Variants in VWA5B2 observed in about 807,000 individuals in gnomAD.
The protein encoded by VWA5B2 is von Willebrand factor A domain containing 5B2, also known as von Willebrand factor A domain-containing protein 5B2.
VWA5B2 carries 93 observed loss-of-function variants against 118.5 expected under a neutral mutation model. That is an observed-to-expected ratio of 0.79 (90% CI 0.66 to 0.93). VWA5B2 has a LOEUF of 0.93. Ranked by LOEUF, VWA5B2 falls within the 40% of genes least tolerant of loss-of-function variation. The probability of loss-of-function intolerance (pLI) is 0.00; values close to 1 mark genes in which losing one functional copy is unlikely to be tolerated. For missense variants in VWA5B2, 1,546 were observed against 1,672.8 expected (o/e 0.92, Z 1.32); for synonymous variants, 708 against 716.3 (o/e 0.99, Z 0.19).
At position 184,242,103 on chromosome 3, in the gene VWA5B2, C is replaced by T; in HGVS notation, c.*65C>T. 1 of 1,523,416 alleles carries T rather than the reference C, an allele frequency of 6.6e-7. No individual in the cohort carries two copies. The highest frequency in any genetic ancestry group is 8.8e-7 in the Non-Finnish European group (1 of 1,136,390). 94.4% of individuals were successfully genotyped at this position (1,523,416 alleles called of 1,614,324 possible). On this transcript the variant is annotated 3_prime_UTR_variant, in exon 20 of 20. Coordinates refer to ENST00000691901, the MANE Select transcript of VWA5B2 (RefSeq NM_001390846.1). Reference sequence around the variant, plus strand: ...ACACTCAAGTCACTGCCGCCCAGGGCTGGCCTCTTGGTGCTGGGAAAGTGT... The same window carrying T: ...ACACTCAAGTCACTGCCGCCCAGGGTTGGCCTCTTGGTGCTGGGAAAGTGT...
rs764700831 is a variant in VWA5B2 at position 184,233,750 on chromosome 3, G to T, written c.688+17G>T. On this transcript the variant is annotated intron_variant, in intron 5 of 19. Coordinates refer to ENST00000691901, the MANE Select transcript of VWA5B2 (RefSeq NM_001390846.1). The surrounding 1 kb of genome is among the most constrained non-coding windows in gnomAD (Gnocchi z 5.2). ...TGCTTGCAGGTGGGTGCATCTGGCT[G>T]GCCTGCCCTCTTTTCAGATGCCCAC... is the stretch of plus-strand genomic sequence containing the variant. The T allele has an allele frequency of 3.2e-6, 5 of 1,549,016 alleles. No homozygotes were observed. In the South Asian group the frequency reaches 6.0e-5, roughly 18 times the overall value.
intron 1 of VWA5B2, 25 bp from the exon 2 acceptor site, chr3:184,230,355 C>A: frequency 4.0e-6 from 3 of 746,284 alleles, no homozygotes; most frequent in East Asian, 3.5e-5. Context: ...GCCCCCTTAT[C>A]TCCCCCGCCA....
intron 3 of VWA5B2, 191 bp from the exon 4 acceptor site, chr3:184,232,987 C>T (rs1391578646): frequency 1.7e-6 from 1 of 600,636 alleles, no homozygotes; most frequent in South Asian, 2.0e-5. Flanking sequence ...CAGATCTGTT[C>T]ACAGTTAGTC....
chr3:184,235,236 C>T lies in VWA5B2; in HGVS notation c.1029C>T (p.Ser343=), dbSNP rs1375435878. ...LALSFCPDLS[S]KPGHLGTATR... is the part of the protein sequence containing the mutation. ...TGAGCTTCTGCCCAGACCTGAGCTC[C>T]AAGCCCGGACACCTGGGGACAGCTA... The change falls in exon 8 of 20, where the codon TCC becomes TCT. Residue 343 remains serine, a synonymous_variant. Transcript: ENST00000691901. The T allele has an allele frequency of 1.3e-6, 2 of 1,551,536 alleles. No homozygotes were observed. The highest frequency in any genetic ancestry group is 2.4e-5 in the East Asian group (1 of 40,928).
At position 184,238,691 on chromosome 3, in the gene VWA5B2, C is replaced by G; in HGVS notation, c.2020C>G (p.Pro674Ala). 6.4e-7 allele frequency: 1 copy of G among 1,551,402 alleles called. No individual in the cohort carries two copies. Among genetic ancestry groups the G allele is most frequent in the Admixed American group, 2.0e-5 (1 of 51,008 alleles). ...QYVLTHCSAS[P>A]EPGPGSTGSS... ...TGTGCTCACCCACTGCTCTGCCAGC[C>G]CCGAGCCAGGCCCAGGCTCCACAGG... Residue 674 changes from proline (P) to alanine (A), a missense_variant, in exon 14 of 20, where the codon CCC (proline) becomes GCC (alanine). Physicochemically the swap from Pro to Ala is conservative, Grantham distance 27 (BLOSUM62 -1). Coordinates refer to ENST00000691901, the MANE Select transcript of VWA5B2 (RefSeq NM_001390846.1). This position sits in a 1 kb window ranked among gnomAD's most constrained non-coding sequence, Gnocchi z 5.0.
chr3:184,241,908 C>T lies in VWA5B2; in HGVS notation c.3599C>T (p.Ala1200Val). The change falls in exon 20 of 20, where the codon GCC (alanine) becomes GTC (valine). Residue 1200 changes from alanine to valine, a missense_variant. Physicochemically the swap from Ala to Val is moderately conservative, Grantham distance 64. This residue lies in a region of VWA5B2 where 763 missense variants were observed against 766.6 expected (regional missense o/e 1.00). Coordinates refer to ENST00000691901, the MANE Select transcript of VWA5B2 (RefSeq NM_001390846.1). The surrounding 1 kb of genome is among the most constrained non-coding windows in gnomAD (Gnocchi z 5.1). ...TAAKADCWLR[A>V]QHLPDGLDLA... Reference sequence around the variant, plus strand: ...GCCAAGGCTGATTGCTGGCTGCGGGCCCAGCACTTGCCTGACGGCCTTGAC... The same window carrying T: ...GCCAAGGCTGATTGCTGGCTGCGGGTCCAGCACTTGCCTGACGGCCTTGAC... The T allele has an allele frequency of 6.5e-7, 1 of 1,548,270 alleles. No individual in the cohort carries two copies. The highest frequency in any genetic ancestry group is 1.2e-5 in the South Asian group (1 of 84,048).
At chr3:184,236,292 T>C in intron 9 of VWA5B2, 30 bp downstream of exon 9, 1 of 1,551,572 alleles carries the variant, frequency 6.4e-7, no homozygotes, top group Non-Finnish European at 8.7e-7. Context: ...CTGGGGGCCT[T>C]ACAGAGAGGT....
In VWA5B2 at chr3:184,239,879, G is replaced by A. The variant is rs1168270773; in HGVS notation, c.2583G>A (p.Glu861=). The change falls in exon 16 of 20, where the codon GAG becomes GAA. Residue 861 remains glutamate, a synonymous_variant. Coordinates refer to ENST00000691901, the MANE Select transcript of VWA5B2 (RefSeq NM_001390846.1). This position sits in a 1 kb window ranked among gnomAD's most constrained non-coding sequence, Gnocchi z 5.1. ...PMCWEVGVGL[E]TLWGPGDGSQ... ...GCTGGGAGGTGGGTGTTGGGCTGGA[G>A]ACACTGTGGGGACCTGGAGATGGCT... 1.0e-5 allele frequency: 16 copies of A among 1,551,556 alleles called. No individual in the cohort carries two copies. The highest frequency in any genetic ancestry group is 2.7e-5 in the African/African-American group (2 of 73,030).
At chr3:184,240,058 T>A in intron 16 of VWA5B2, 22 bp downstream of exon 16, 1 of 1,495,766 alleles carries the variant, frequency 6.7e-7, no homozygotes, top group Non-Finnish European at 8.9e-7. Context: ...ATGGGTCCAG[T>A]CAGGACCCAA....
chr3:184,233,266 C>A lies in VWA5B2; in HGVS notation c.399C>A (p.Thr133=). The change falls in exon 4 of 20, where the codon ACC becomes ACA. Residue 133 remains threonine (T), a synonymous_variant. Coordinates refer to ENST00000691901, the MANE Select transcript of VWA5B2 (RefSeq NM_001390846.1). This position sits in a 1 kb window ranked among gnomAD's most constrained non-coding sequence, Gnocchi z 5.2. ...IIAAAGTMTV[T]LHSSRELPSR... is the part of the protein sequence containing the mutation. ...CCGCGGCTGGCACCATGACGGTGAC[C>A]CTGCACAGCAGCCGGGAGCTGCCCT... is the stretch of plus-strand genomic sequence containing the variant. 1 of 1,548,020 alleles carries A rather than the reference C, an allele frequency of 6.5e-7. No individual in the cohort carries two copies. The highest frequency in any genetic ancestry group is 1.2e-5 in the South Asian group (1 of 83,492).
chr3:184,234,761 G>A lies in VWA5B2; in HGVS notation c.945+6G>A, dbSNP rs199961580. 1.9e-3 allele frequency: 2,923 copies of A among 1,551,120 alleles called. 2 individuals carry two copies. The highest frequency in any genetic ancestry group is 2.4e-3 in the Non-Finnish European group (2,708 of 1,146,954). Reference sequence around the variant, plus strand: ...ACAGTGATGGGGACCGGCAGGTACCGCCATAGGAGCCTGGCCTGGCCCCTG... The same window carrying A: ...ACAGTGATGGGGACCGGCAGGTACCACCATAGGAGCCTGGCCTGGCCCCTG... On this transcript the variant is annotated splice_donor_region_variant and intron_variant, in intron 7 of 19. Coordinates refer to ENST00000691901, the MANE Select transcript of VWA5B2 (RefSeq NM_001390846.1).
At chr3:184,236,047 C>A in intron 8 of VWA5B2, 105 bp from the exon 9 acceptor site, 1 of 1,066,150 alleles carries the variant, frequency 9.4e-7, no homozygotes, top group Non-Finnish European at 1.4e-6. Flanking sequence ...TTACCACAGC[C>A]TCTCACTTGA....
Position 184,241,620 on chromosome 3 carries a change from C to T in VWA5B2, c.3311C>T (p.Ser1104Leu), listed in dbSNP as rs762920252. The T allele has an allele frequency of 1.9e-6, 3 of 1,542,330 alleles. No individual in the cohort carries two copies. Among genetic ancestry groups the T allele is most frequent in the South Asian group, 2.4e-5 (2 of 84,030 alleles). ...CACCGCGCCAGCCTCAGCCCCACCT[C>T]GGCCTCATTGCCCTGGGCACTTCTG... The part of the protein sequence containing the change: ...AVHRASLSPT[S>L]ASLPWALLGP... Residue 1104 changes from serine (S) to leucine (L), a missense_variant, in exon 20 of 20, where the codon TCG becomes TTG. By Grantham distance (145) the Ser-to-Leu change is moderately radical. This residue lies in a region of VWA5B2 where 763 missense variants were observed against 766.6 expected (regional missense o/e 1.00). Coordinates refer to ENST00000691901, the MANE Select transcript of VWA5B2 (RefSeq NM_001390846.1). The surrounding 1 kb of genome is among the most constrained non-coding windows in gnomAD (Gnocchi z 5.1).
In VWA5B2 at chr3:184,233,320, C is replaced by T. The variant is rs1717587713; in HGVS notation, c.453C>T (p.Ala151=). 6.5e-7 allele frequency: 1 copy of T among 1,537,548 alleles called. No individual in the cohort carries two copies. The highest frequency in any genetic ancestry group is 1.4e-5 in the African/African-American group (1 of 72,888). The change falls in exon 4 of 20, where the codon GCC becomes GCT. Residue 151 remains alanine, a synonymous_variant. Transcript: ENST00000691901. This position sits in a 1 kb window ranked among gnomAD's most constrained non-coding sequence, Gnocchi z 5.2. ...GGCCTGACGGGGTGCTGCATGTGGC[C>T]CTGCCCACTGTGCTCACCCCGCTGG... ...PSRPDGVLHV[A]LPTVLTPLAP...
At chr3:184,234,591 G>T (rs1201341303) in intron 6 of VWA5B2, 40 bp from the exon 7 acceptor site, 1 of 1,546,344 alleles carries the variant, frequency 6.5e-7, no homozygotes, top group Admixed American at 2.0e-5. Context: ...GGGTCCAGAG[G>T]CAGGGCCTTC....
intron 16 of VWA5B2, chr3:184,240,401 C>T (rs1031306433): frequency 2.9e-6 from 1 of 345,028 alleles, no homozygotes; most frequent in Non-Finnish European, 5.3e-6. Context: ...TTCATTTCCT[C>T]AGTTGCACTA....
chr3:184,236,811 A>G (rs1467505157), intron 11 of VWA5B2, 62 bp downstream of exon 11: 7 of 1,372,972 alleles, frequency 5.1e-6, no homozygotes, highest in Non-Finnish European at 6.8e-6. Context: ...GTTACACATC[A>G]AGTCTGAAAC....
At position 184,230,397 on chromosome 3, in the gene VWA5B2, C is replaced by T; in HGVS notation, c.-132C>T. ...GCCCTCAGGAGCTCCCGCTCGGCCT[C>T]GCGCCCCGGCAGGCCCCGTCCGGGT... On this transcript the variant is annotated 5_prime_UTR_variant, in exon 2 of 20. Transcript: ENST00000691901. 1.7e-6 allele frequency: 2 copies of T among 1,153,490 alleles called. No homozygotes were observed. The highest frequency in any genetic ancestry group is 2.2e-6 in the Non-Finnish European group (2 of 894,626). The allele number at this position is 1,153,490 out of a possible 1,614,324, so 71.5% of individuals were successfully genotyped here.
chr3:184,235,230 G>A lies in VWA5B2; in HGVS notation c.1023G>A (p.Leu341=), dbSNP rs773792817. 7 of 1,551,526 alleles carry A rather than the reference G, an allele frequency of 4.5e-6. No individual in the cohort carries two copies. Among genetic ancestry groups the A allele is most frequent in the Non-Finnish European group, 6.1e-6 (7 of 1,146,974 alleles). Residue 341 remains leucine (L), a synonymous_variant, in exon 8 of 20, where the codon CTG becomes CTA. Coordinates refer to ENST00000691901, the MANE Select transcript of VWA5B2 (RefSeq NM_001390846.1). ...TGGCGCTGAGCTTCTGCCCAGACCT[G>A]AGCTCCAAGCCCGGACACCTGGGGA... ...PVLALSFCPD[L]SSKPGHLGTA... is the part of the protein sequence containing the mutation.
Sources: allele counts gnomAD v4.1 joint callset, GRCh38; gene constraint gnomAD v4.1.1; regional missense constraint gnomAD v4.1.1; non-coding constraint Gnocchi (gnomAD v3.1); transcripts MANE v1.5; gene names NCBI Gene and HGNC (gene_info 2026-07-23, HGNC 2026-07-21).